The following PDE3B variants were observed in gnomAD, a reference collection of about 807,000 sequenced individuals.
PDE3B encodes phosphodiesterase 3B.
In PDE3B, 66 loss-of-function variants were observed where a neutral mutation model predicts 116.8. The observed-to-expected ratio is 0.56, with a 90% CI of 0.46 to 0.69. The LOEUF (loss-of-function observed/expected upper bound fraction) is 0.69. Among genes scored for constraint, PDE3B ranks in the 30% least tolerant of loss-of-function variants. PDE3B has a pLI of 0.00. For missense variants in PDE3B, 1,384 were observed against 1,368.1 expected (o/e 1.01, Z -0.18); for synonymous variants, 595 against 533.6 (o/e 1.12, Z -1.59).
chr11:14,859,448 TGTTA>T (rs1345582135), intron 13 of PDE3B, among the ~76,000 whole-genome samples: 2 of 152,218 alleles, frequency 1.3e-5, no homozygotes, highest in Non-Finnish European at 2.9e-5. Context: ...TATTATTGCT[TGTTA>T]TATTTTCTTT....
intron 1 of PDE3B, among the ~76,000 whole-genome samples, chr11:14,722,108 A>G (rs535920491): frequency 1.3e-5 from 2 of 150,780 alleles, no homozygotes; most frequent in East Asian, 2.0e-4. Flanking sequence ...GAATTAAACA[A>G]TGAGAACACA....
intron 12 of PDE3B, among the ~76,000 whole-genome samples, 179 bp downstream of exon 12, chr11:14,844,205 G>A (rs1164854592): frequency 6.6e-6 from 1 of 152,184 alleles, no homozygotes; most frequent in East Asian, 1.9e-4. Flanking sequence ...GAAATTAGGG[G>A]AAGAATCAAC....
At chr11:14,824,652 A>T (rs1859630078) in intron 7 of PDE3B, among the ~76,000 whole-genome samples, 1 of 150,728 alleles carries the variant, frequency 6.6e-6, no homozygotes, top group Admixed American at 6.6e-5. Flanking sequence ...AAAGAGGCCA[A>T]ATCTACACAT....
intron 5 of PDE3B, among the ~76,000 whole-genome samples, chr11:14,806,864 AAAAAAAAAAAAAAAAAG>A (rs1382760020): frequency 6.7e-6 from 1 of 148,994 alleles, no homozygotes; most frequent in African/African-American, 2.4e-5. Flanking sequence ...GTCTCAAAAA[AAAAAAAAAAAAAAAAAG>A]AAAAAAAAGA....
the PDE3B span, chr11:14,891,700 C>A: frequency 8.2e-7 from 1 of 1,220,312 alleles, no homozygotes; most frequent in Admixed American, 4.3e-5. Context: ...GGCGCAGGAG[C>A]AAGAGCTCGA....
At chr11:14,702,971 C>T (rs1376175547) in intron 1 of PDE3B, among the ~76,000 whole-genome samples, 6 of 151,872 alleles carry the variant, frequency 4.0e-5, no homozygotes, top group African/African-American at 1.4e-4. Flanking sequence ...TTACTCATTT[C>T]CACTGGGTAC....
intron 1 of PDE3B, among the ~76,000 whole-genome samples, chr11:14,658,421 A>G (rs1397906286): frequency 6.6e-6 from 1 of 151,958 alleles, no homozygotes; most frequent in Non-Finnish European, 1.5e-5. Context: ...CAATGGCACT[A>G]TCTCGGCTCA....
chr11:14,723,715 T>A (rs1385955920), intron 1 of PDE3B, among the ~76,000 whole-genome samples: 1 of 151,904 alleles, frequency 6.6e-6, no homozygotes, highest in Non-Finnish European at 1.5e-5. Context: ...TGAGCTATGA[T>A]TGGGCCACTG....
chr11:14,750,476 T>C (rs564746663), intron 1 of PDE3B, among the ~76,000 whole-genome samples: 8 of 152,118 alleles, frequency 5.3e-5, no homozygotes, highest in Non-Finnish European at 1.0e-4. Flanking sequence ...TCCACTATAG[T>C]TGTTGCAGAT....
At chr11:14,648,565 A>G (rs1853477921) in intron 1 of PDE3B, among the ~76,000 whole-genome samples, 1 of 152,062 alleles carries the variant, frequency 6.6e-6, no homozygotes. Flanking sequence ...ATCAGCCTAC[A>G]TAATAATTTT....
chr11:14,845,061 C>A (rs973793293), intron 12 of PDE3B, among the ~76,000 whole-genome samples: 22 of 152,144 alleles, frequency 1.4e-4, no homozygotes, highest in African/African-American at 5.3e-4. Context: ...CCCCTGACCC[C>A]CGAGCAGCCT....
chr11:14,733,743 A>G lies in PDE3B; in HGVS notation c.979-38194A>G, dbSNP rs148724477. ...AAGCAGAGAGAAAATGAAAAAGAAAAAAGGTAGGAAAGATGTGCCTTTTAG... is the reference window on the plus strand; with the variant it reads ...AAGCAGAGAGAAAATGAAAAAGAAAGAAGGTAGGAAAGATGTGCCTTTTAG... On this transcript the variant is annotated intron_variant, in intron 1 of 15. Transcript: ENST00000282096. 1.8e-3 allele frequency among the ~76,000 whole-genome samples: 274 copies of G among 152,336 alleles called. 1 individual carries two copies. Among genetic ancestry groups the G allele is most frequent in the African/African-American group, 6.2e-3 (258 of 41,570 alleles).
At chr11:14,838,127 CT>C (rs1860115971) in intron 11 of PDE3B, among the ~76,000 whole-genome samples, 2 of 151,982 alleles carry the variant, frequency 1.3e-5, no homozygotes, top group South Asian at 4.1e-4. Flanking sequence ...CACAGGCGCC[CT>C]GCCACCATGG....
chr11:14,645,147 A>G (rs1426596619), intron 1 of PDE3B, 94 bp downstream of exon 1: 4 of 416,546 alleles, frequency 9.6e-6, no homozygotes, highest in Non-Finnish European at 1.4e-5. Flanking sequence ...AAAGCATGTT[A>G]ACTTTCAGAA....
chr11:14,657,348 C>T (rs1879889), intron 1 of PDE3B, among the ~76,000 whole-genome samples: 18,122 of 152,158 alleles, frequency 0.12, 1,376 homozygotes, highest in African/African-American at 0.22. Flanking sequence ...AGTGACTCTT[C>T]CAACCCTCTT....
At chr11:14,786,800 T>C in intron 3 of PDE3B, 115 bp downstream of exon 3, 2 of 769,588 alleles carry the variant, frequency 2.6e-6, no homozygotes, top group South Asian at 3.7e-5. Flanking sequence ...TCAGACATAA[T>C]ATTGAGCTGC....
At chr11:14,699,499 C>G (rs1743143365) in intron 1 of PDE3B, 1 of 151,902 alleles carries the variant, frequency 6.6e-6, no homozygotes, top group East Asian at 1.9e-4. Flanking sequence ...AAAAACTATT[C>G]CTTGTTTTCG....
downstream of PDE3B, among the ~76,000 whole-genome samples, chr11:14,876,530 C>A (rs1159236270): frequency 6.6e-6 from 1 of 152,130 alleles, no homozygotes; most frequent in Non-Finnish European, 1.5e-5. Flanking sequence ...ATCACTACTT[C>A]TAGTAGTCAG....
rs372231809 is a variant in PDE3B at position 14,791,535 on chromosome 11, A to G, written c.1415+2293A>G. On this transcript the variant is annotated intron_variant, in intron 4 of 15. Coordinates refer to ENST00000282096, the MANE Select transcript of PDE3B (RefSeq NM_000922.4). ...TGCATCCTGTTACCTTATTCTACAG[A>G]TAACAGTTGTCAGATATCTGTCTGC... Among the ~76,000 whole-genome samples, 13 of 152,274 alleles carry G rather than the reference A, an allele frequency of 8.5e-5. No individual in the cohort carries two copies. In the East Asian group the frequency reaches 1.2e-3, roughly 14 times the overall value.
Sources: gnomAD v4.1 joint callset for allele counts (sites outside exome capture counted in the v4.1 genomes callset) on GRCh38, gnomAD v4.1.1 for gene constraint, MANE v1.5 for transcripts, NCBI Gene and HGNC (gene_info 2026-07-23, HGNC 2026-07-21) for gene names.